The following C14orf39 variants were observed in gnomAD, a reference collection of about 807,000 sequenced individuals.
The protein encoded by C14orf39 is protein SIX6OS1.
C14orf39 carries 66 observed loss-of-function variants against 85.6 expected under a neutral mutation model. The observed-to-expected ratio is 0.77, with a 90% CI of 0.63 to 0.95. The LOEUF (loss-of-function observed/expected upper bound fraction) is 0.95, where lower values mean the gene tolerates loss of function less well. C14orf39 is among the 40% of genes least tolerant of loss of function. C14orf39 has a pLI of 0.00. For synonymous variants in C14orf39, 242 were observed against 214.0 expected, an observed-to-expected ratio of 1.13 and a Z score of -1.14; for missense variants, 735 against 663.9, an observed-to-expected ratio of 1.11 and a Z score of -1.18.
chr14:60,485,173 C>T, intron 1 of C14orf39, 87 bp from the exon 2 acceptor site: 1 of 1,083,140 alleles, frequency 9.2e-7, no homozygotes, highest in South Asian at 1.4e-5. Context: ...TTCAATATAG[C>T]ATTCTTCACA....
At chr14:60,472,665 C>T (rs1023158703) in intron 5 of C14orf39, among the ~76,000 whole-genome samples, 31 of 151,848 alleles carry the variant, frequency 2.0e-4, no homozygotes, top group Non-Finnish European at 3.1e-4. Context: ...GCTTTTTTGT[C>T]CTTGCAATAA....
chr14:60,436,786 TA>T lies in C14orf39; in HGVS notation c.*58del. The T allele has an allele frequency of 8.7e-7, 1 of 1,153,064 alleles. No homozygotes were observed. Among genetic ancestry groups the T allele is most frequent in the Non-Finnish European group, 1.3e-6 (1 of 793,948 alleles). 71.4% of individuals were successfully genotyped at this position (1,153,064 alleles called of 1,614,324 possible). The stretch of plus-strand genomic sequence containing the variant: ...AGTCTTCATGTTTTAAGCAATAATG[TA>T]AATTTATGCCCTCATGAACACAGAA... On this transcript the variant is annotated 3_prime_UTR_variant, in exon 18 of 18. Transcript: ENST00000321731.
At position 60,499,775 on chromosome 14, in the gene C14orf39, G is replaced by A. The variant is rs1893113767; in HGVS notation, c.-143-345C>T. Among the ~76,000 whole-genome samples the A allele has an allele frequency of 2.0e-5, 3 of 152,148 alleles. No individual in the cohort carries two copies. In the South Asian group the frequency reaches 6.2e-4, roughly 32 times the overall value. ...CTGTGAAGAAATATTGGCAATACAC[G>A]ACAAGAAAAAATATATATCCTTAAT... On this transcript the variant is annotated intron_variant, in intron 1 of 5. Coordinates refer to the C14orf39 transcript ENST00000556799.
intron 16 of C14orf39, among the ~76,000 whole-genome samples, chr14:60,454,217 T>C (rs1891162627): frequency 6.6e-6 from 1 of 151,920 alleles, no homozygotes. Context: ...GCAAATAAAA[T>C]ATTCTAATCC....
chr14:60,478,493 C>A lies in C14orf39; in HGVS notation c.234-104G>T, dbSNP rs1892499315. ...ATTATTTAAAGAGAAACGAATCTTT[C>A]TCTTCCTGGAGAAAACAAGCTTACA... On this transcript the variant is annotated intron_variant, in intron 4 of 17. Coordinates refer to ENST00000321731, the MANE Select transcript of C14orf39 (RefSeq NM_174978.3). The A allele has an allele frequency of 7.4e-6, 4 of 539,804 alleles. 1 individual carries two copies. The South Asian group carries it at 1.3e-4, about 18-fold the overall frequency. 33.4% of individuals were successfully genotyped at this position (539,804 alleles called of 1,614,324 possible).
intron 2 of C14orf39, chr14:60,496,012 A>T (rs1017034457): frequency 3.7e-6 from 2 of 535,210 alleles, no homozygotes; most frequent in East Asian, 5.1e-5. Flanking sequence ...AGGGACAAAG[A>T]GCTAGTTGTG....
intron 1 of C14orf39, among the ~76,000 whole-genome samples, chr14:60,501,886 A>G (rs780841534): frequency 2.0e-5 from 3 of 152,222 alleles, no homozygotes; most frequent in Non-Finnish European, 4.4e-5. Flanking sequence ...GAGGGGAACT[A>G]ACACTTGTTG....
intron 16 of C14orf39, among the ~76,000 whole-genome samples, chr14:60,452,027 A>G (rs1314200650): frequency 6.8e-6 from 1 of 147,986 alleles, no homozygotes; most frequent in African/African-American, 2.5e-5. Context: ...CTAAAGTACA[A>G]AAAAAAAAAA....
Position 60,509,056 on chromosome 14 carries a change from T to C in C14orf39, c.-144+6339A>G, listed in dbSNP as rs1594630896. 2.9e-5 allele frequency: 11 copies of C among 379,438 alleles called. No homozygotes were observed. The East Asian group carries it at 6.0e-4, about 21-fold the overall frequency. The allele number at this position is 379,438 out of a possible 1,614,324, so 23.5% of individuals were successfully genotyped here. On this transcript the variant is annotated intron_variant, in intron 1 of 5. Coordinates refer to the C14orf39 transcript ENST00000556799. ...GCACGGGGAGGTGCTGAAATAGTCC[T>C]GGCGTGCTGATTCAAGCTTTGATTG...
chr14:60,442,953 C>T (rs147862382), intron 16 of C14orf39, among the ~76,000 whole-genome samples: 1,931 of 152,116 alleles, frequency 0.013, 18 homozygotes, highest in Middle Eastern at 0.027. Context: ...AGTCTAGAGA[C>T]GTTAATTAAC....
chr14:60,485,207 C>G, intron 1 of C14orf39, 121 bp from the exon 2 acceptor site: 5 of 817,058 alleles, frequency 6.1e-6, no homozygotes, highest in Non-Finnish European at 9.5e-6. Flanking sequence ...AGAGCCAGAA[C>G]TGGAAGACGA....
intron 13 of C14orf39, among the ~76,000 whole-genome samples, chr14:60,460,355 T>C (rs1012988352): frequency 7.9e-5 from 12 of 151,846 alleles, no homozygotes; most frequent in African/African-American, 2.7e-4. Flanking sequence ...ACATGTAATA[T>C]ATAATTTTTT....
At chr14:60,458,575 A>G (rs1325059199) in intron 14 of C14orf39, 103 bp downstream of exon 14, 2 of 760,738 alleles carry the variant, frequency 2.6e-6, no homozygotes, top group African/African-American at 1.8e-5. Flanking sequence ...CCAAGCTAAC[A>G]ACATCTCACA....
rs781419453 is a variant in C14orf39, at chr14:60,461,396, T to C, written c.1075A>G (p.Lys359Glu). 17 of 1,610,112 alleles carry C rather than the reference T, an allele frequency of 1.1e-5. No individual in the cohort carries two copies. In the South Asian group the frequency reaches 1.9e-4, roughly 18 times the overall value. ...FMQVRLLTPQ[K>E]QSNSNQWSEK... ...GACCACTGATTGGAATTTGATTGTTTCTGTGGGGTTAACAATCTAAAATGG... is the reference window on the plus strand; with the variant it reads ...GACCACTGATTGGAATTTGATTGTTCCTGTGGGGTTAACAATCTAAAATGG... Residue 359 changes from lysine (K) to glutamate (E), a missense_variant, in exon 13 of 18, where the codon AAA (lysine) becomes GAA (glutamate). Coordinates refer to ENST00000321731, the MANE Select transcript of C14orf39 (RefSeq NM_174978.3).
At chr14:60,452,025 C>T (rs1483386310) in intron 16 of C14orf39, among the ~76,000 whole-genome samples, 1 of 130,044 alleles carries the variant, frequency 7.7e-6, no homozygotes, top group Non-Finnish European at 1.7e-5. Flanking sequence ...TACTAAAGTA[C>T]AAAAAAAAAA....
chr14:60,450,367 G>C lies in C14orf39; in HGVS notation c.1503+4634C>G, dbSNP rs182478270. 8.5e-5 allele frequency among the ~76,000 whole-genome samples: 13 copies of C among 152,264 alleles called. No homozygotes were observed. In the East Asian group the frequency reaches 2.5e-3, roughly 29 times the overall value. ...ACTGGGCTTCGAGTGGATATCAGCA[G>C]TGTCCTGGCAGACCCCCACCATGAG... On this transcript the variant is annotated intron_variant, in intron 16 of 17. Coordinates refer to ENST00000321731, the MANE Select transcript of C14orf39 (RefSeq NM_174978.3).
At chr14:60,477,356 C>A (rs1199262550) in intron 5 of C14orf39, among the ~76,000 whole-genome samples, 1 of 151,888 alleles carries the variant, frequency 6.6e-6, no homozygotes, top group Non-Finnish European at 1.5e-5. Flanking sequence ...CTAGATTTTG[C>A]ACGTTTTAGT....
rs147968842 is a variant in C14orf39, at chr14:60,461,892, T to C, written c.973-299A>G. ...TTAAAATTTATACCACCCATATTCA[T>C]GACTCATCAACTAAATGTTACCATT... On this transcript the variant is annotated intron_variant, in intron 11 of 17. Coordinates refer to ENST00000321731, the MANE Select transcript of C14orf39 (RefSeq NM_174978.3). Among the ~76,000 whole-genome samples the C allele has an allele frequency of 1.7e-4, 26 of 152,248 alleles. No individual in the cohort carries two copies. In the East Asian group the frequency reaches 4.8e-3, roughly 28 times the overall value.
intron 16 of C14orf39, among the ~76,000 whole-genome samples, chr14:60,447,046 A>G (rs537035193): frequency 6.6e-6 from 1 of 152,358 alleles, no homozygotes; most frequent in South Asian, 2.1e-4. Context: ...GATGGAACGT[A>G]TCTCAAAATA....
Sources: allele counts gnomAD v4.1 joint callset (sites outside exome capture counted in the v4.1 genomes callset), GRCh38; gene constraint gnomAD v4.1.1; transcripts MANE v1.5; gene names NCBI Gene and HGNC (gene_info 2026-07-23, HGNC 2026-07-21).